Variants in SPRY3 observed in about 807,000 individuals in gnomAD.
SPRY3 encodes the protein protein sprouty homolog 3.
A neutral mutation model predicts 20.2 loss-of-function variants in SPRY3; 15 were observed. That is an observed-to-expected ratio of 0.74 (90% CI 0.50 to 1.14). SPRY3 has a LOEUF of 1.14. SPRY3 is among the 50% of genes most tolerant of loss of function. The pLI is 0.00. For synonymous variants in SPRY3, 143 were observed against 136.5 expected (o/e 1.05, Z -0.33); for missense variants, 364 against 363.9 (o/e 1.00, Z 0.00).
At chrX:155,678,143 T>C (rs1031913476) in intron 2 of SPRY3, among the ~76,000 whole-genome samples, 2 of 111,398 alleles carry the variant, frequency 1.8e-5, no homozygotes, top group African/African-American at 6.5e-5. Context: ...TGGACTGAAA[T>C]GTAGGGAACC....
intron 2 of SPRY3, among the ~76,000 whole-genome samples, chrX:155,754,634 G>T (rs2091276801): frequency 6.6e-6 from 1 of 151,878 alleles, no homozygotes; most frequent in Non-Finnish European, 1.5e-5. Context: ...AAAAAAATCT[G>T]GCTGGGACTT....
At chrX:155,684,977 C>T (rs768630808) in intron 2 of SPRY3, among the ~76,000 whole-genome samples, 33 of 111,499 alleles carry the variant, frequency 3.0e-4, no homozygotes, top group Non-Finnish European at 5.3e-4. Flanking sequence ...ATCCATTTTC[C>T]CTATAGAATA....
intron 1 of SPRY3, among the ~76,000 whole-genome samples, chrX:155,635,762 G>A (rs782282415): frequency 8.9e-6 from 1 of 112,031 alleles, no homozygotes; most frequent in African/African-American, 3.2e-5. Flanking sequence ...TACACTGTCG[G>A]TGGGACTGTA....
intron 1 of SPRY3, among the ~76,000 whole-genome samples, chrX:155,634,221 C>T (rs782254533): frequency 9.0e-5 from 10 of 111,446 alleles, no homozygotes; most frequent in Non-Finnish European, 1.5e-4. Context: ...AGGAGAGGAA[C>T]ACTTGGAGAG....
rs746209180 is a variant in SPRY3 at position 155,684,773 on chromosome X, C to CT, written c.-282+27757dup. Among the ~76,000 whole-genome samples, 404 of 110,056 alleles carry CT rather than the reference C, an allele frequency of 3.7e-3. 3 individuals are homozygous for CT. Among genetic ancestry groups the CT allele is most frequent in the African/African-American group, 0.012 (372 of 30,338 alleles). ...GCATCATTTCCTCTCTGTCAGAAAA[C>CT]TTTTTTTTTAGCAATTCTCTGAAAG... On this transcript the variant is annotated intron_variant, in intron 2 of 3. Coordinates refer to ENST00000675360, the Ensembl canonical transcript of SPRY3.
intron 3 of SPRY3, among the ~76,000 whole-genome samples, chrX:155,769,763 A>G (rs753340889): frequency 6.6e-6 from 1 of 152,338 alleles, no homozygotes; most frequent in Admixed American, 6.5e-5. Flanking sequence ...GAATAGGACT[A>G]GGGTAGCAAA....
intron 2 of SPRY3, among the ~76,000 whole-genome samples, chrX:155,683,244 C>A (rs1413094923): frequency 2.4e-4 from 27 of 112,095 alleles, no homozygotes; most frequent in Non-Finnish European, 7.5e-5. Flanking sequence ...GGGTAAAATG[C>A]TATCAAACAG....
intron 2 of SPRY3, among the ~76,000 whole-genome samples, chrX:155,661,777 A>T (rs1461327908): frequency 9.0e-6 from 1 of 111,555 alleles, no homozygotes; most frequent in African/African-American, 3.3e-5. Context: ...AATTCAAAAG[A>T]CCTGTCTTCA....
At chrX:155,732,260 A>G (rs2091138122) in intron 2 of SPRY3, among the ~76,000 whole-genome samples, 1 of 151,970 alleles carries the variant, frequency 6.6e-6, no homozygotes, top group South Asian at 2.1e-4. Flanking sequence ...AGCCTCAAAG[A>G]GTGTGTTTAT....
intron 1 of SPRY3, among the ~76,000 whole-genome samples, chrX:155,623,699 C>T (rs374091928): frequency 1.8e-5 from 2 of 111,990 alleles, no homozygotes; most frequent in Non-Finnish European, 3.8e-5. Context: ...TGGGTCCAGA[C>T]GCTAGTCCAA....
chrX:155,720,222 G>T (rs1246923311), intron 2 of SPRY3, among the ~76,000 whole-genome samples: 1 of 152,130 alleles, frequency 6.6e-6, no homozygotes, highest in African/African-American at 2.4e-5. Context: ...ATTTGGAAAC[G>T]GGAGGGAAGA....
chrX:155,763,513 T>C (rs1340364253), intron 2 of SPRY3, among the ~76,000 whole-genome samples: 1 of 152,184 alleles, frequency 6.6e-6, no homozygotes, highest in Non-Finnish European at 1.5e-5. Context: ...CATATTTTAT[T>C]CCTTTGTTCT....
chrX:155,696,992 T>A (rs749133511), intron 2 of SPRY3, among the ~76,000 whole-genome samples: 47 of 111,797 alleles, frequency 4.2e-4, no homozygotes, highest in Non-Finnish European at 7.7e-4. Flanking sequence ...CTATTCTAAG[T>A]GCTTTATGCA....
At chrX:155,738,740 A>T (rs2091185218) in intron 2 of SPRY3, among the ~76,000 whole-genome samples, 1 of 152,192 alleles carries the variant, frequency 6.6e-6, no homozygotes, top group African/African-American at 2.4e-5. Context: ...TTGTGAGCCC[A>T]CACCACCAGG....
chrX:155,736,262 G>T (rs1298684851), intron 2 of SPRY3, among the ~76,000 whole-genome samples: 1 of 151,812 alleles, frequency 6.6e-6, no homozygotes, highest in Non-Finnish European at 1.5e-5. Context: ...CTTCATTTAT[G>T]TATTTTTGAA....
chrX:155,624,668 A>T (rs1239474583), intron 1 of SPRY3, among the ~76,000 whole-genome samples: 2 of 111,350 alleles, frequency 1.8e-5, no homozygotes, highest in African/African-American at 6.5e-5. Context: ...ATTTTCACTG[A>T]TTAGTTTCAT....
rs782603113 is a variant in SPRY3 at position 155,668,859 on chromosome X, T to C, written c.-282+11834T>C. On this transcript the variant is annotated intron_variant, in intron 2 of 3. Coordinates refer to ENST00000675360, the Ensembl canonical transcript of SPRY3. The stretch of plus-strand genomic sequence containing the variant: ...CTTAGGATATTCTATTTCTGCCCTC[T>C]TCCCTGTTCCATGATTTAGAATTGT... Among the ~76,000 whole-genome samples, 5 of 111,000 alleles carry C rather than the reference T, an allele frequency of 4.5e-5. No individual in the cohort carries two copies. In the South Asian group the frequency reaches 1.9e-3, roughly 42 times the overall value.
chrX:155,680,215 A>G (rs2068070390), intron 2 of SPRY3, among the ~76,000 whole-genome samples: 1 of 102,526 alleles, frequency 9.8e-6, no homozygotes, highest in African/African-American at 3.7e-5. Flanking sequence ...AGAGAGAGAG[A>G]GAGAAGAGAA....
chrX:155,614,616 C>G (rs2067844481), intron 1 of SPRY3, among the ~76,000 whole-genome samples: 1 of 111,411 alleles, frequency 9.0e-6, no homozygotes. Context: ...TCACCAGGAT[C>G]ACATGGCAGA....
Sources: allele counts gnomAD v4.1 joint callset (sites outside exome capture counted in the v4.1 genomes callset), GRCh38; gene constraint gnomAD v4.1.1; transcripts MANE v1.5; gene names NCBI Gene and HGNC (gene_info 2026-07-23, HGNC 2026-07-21).